The following WARS2 variants were observed in gnomAD, a reference collection of about 807,000 sequenced individuals.
WARS2 encodes tryptophan--tRNA ligase, mitochondrial.
In WARS2, 28 loss-of-function variants were observed where a neutral mutation model predicts 36.5. That is an observed-to-expected ratio of 0.77 (90% CI 0.57 to 1.05). The LOEUF (loss-of-function observed/expected upper bound fraction) is 1.05. WARS2 is among the 50% of genes least tolerant of loss of function. The pLI, the probability that WARS2 is intolerant of heterozygous loss-of-function variation, is 0.00. For synonymous variants in WARS2, 174 were observed against 178.4 expected (o/e 0.98, Z 0.20); for missense variants, 435 against 456.8 (o/e 0.95, Z 0.44).
intron 3 of WARS2, among the ~76,000 whole-genome samples, chr1:119,043,134 T>C (rs368449986): frequency 2.6e-5 from 4 of 152,244 alleles, no homozygotes; most frequent in African/African-American, 9.6e-5. Flanking sequence ...TCCCTTGCTG[T>C]GGCTGCACAT....
chr1:119,092,372 T>A (rs1653107581), intron 1 of WARS2, among the ~76,000 whole-genome samples: 1 of 152,208 alleles, frequency 6.6e-6, no homozygotes, highest in South Asian at 2.1e-4. Context: ...ACATTTAAAA[T>A]GACATTATCT....
intron 1 of WARS2, chr1:119,139,839 C>T (rs1205980583): frequency 6.6e-6 from 1 of 152,058 alleles, no homozygotes; most frequent in East Asian, 1.9e-4. Flanking sequence ...AAAGGGTATC[C>T]CCTCCCCCTG....
intron 1 of WARS2, among the ~76,000 whole-genome samples, chr1:119,086,328 C>T (rs1652665011): frequency 1.3e-5 from 2 of 152,226 alleles, no homozygotes; most frequent in Non-Finnish European, 2.9e-5. Context: ...TATCTGAGAA[C>T]ATTCATCCTT....
intron 1 of WARS2, among the ~76,000 whole-genome samples, chr1:119,083,472 G>C (rs1652373657): frequency 6.6e-6 from 1 of 152,168 alleles, no homozygotes; most frequent in African/African-American, 2.4e-5. Flanking sequence ...CCAGTCTGTA[G>C]TATTTTGTTA....
chr1:119,076,556 G>A lies in WARS2; in HGVS notation c.142C>T (p.His48Tyr). The change falls in exon 2 of 6, where the codon CAC (histidine) becomes TAC (tyrosine). Residue 48 changes from histidine to tyrosine, a missense_variant. Coordinates refer to ENST00000235521, the MANE Select transcript of WARS2 (RefSeq NM_015836.4). The stretch of plus-strand genomic sequence containing the variant: ...ATGGCTCCCAGGTAATTGCCCAGGT[G>A]GAGGATTCCTGTAGGTTGAATGCCG... Reference protein sequence around the residue: ...FSGIQPTGILHLGNYLGAIES... With the variant: ...FSGIQPTGILYLGNYLGAIES... 1 of 1,614,116 alleles carries A rather than the reference G, an allele frequency of 6.2e-7. No homozygotes were observed.
chr1:119,078,699 T>A (rs936485750), intron 1 of WARS2, among the ~76,000 whole-genome samples: 2 of 152,208 alleles, frequency 1.3e-5, no homozygotes, highest in African/African-American at 4.8e-5. Context: ...GATTTCAGAA[T>A]CTGTACATAT....
At chr1:119,123,460 T>C (rs1251532103) in intron 1 of WARS2, among the ~76,000 whole-genome samples, 3 of 152,254 alleles carry the variant, frequency 2.0e-5, no homozygotes, top group Non-Finnish European at 2.9e-5. Context: ...CAATTAAATC[T>C]GCCTGCAAGT....
chr1:119,062,307 C>T (rs1650448903), intron 2 of WARS2, among the ~76,000 whole-genome samples: 1 of 152,018 alleles, frequency 6.6e-6, no homozygotes. Flanking sequence ...AGACTAGTAC[C>T]AAACATAACC....
At chr1:119,061,646 A>G (rs985113363) in intron 2 of WARS2, among the ~76,000 whole-genome samples, 3 of 152,166 alleles carry the variant, frequency 2.0e-5, no homozygotes, top group Non-Finnish European at 4.4e-5. Flanking sequence ...TACAGCATTA[A>G]AGTGTTCACA....
chr1:119,042,230 G>C, intron 4 of WARS2, 34 bp downstream of exon 4: 1 of 1,593,704 alleles, frequency 6.3e-7, no homozygotes, highest in Non-Finnish European at 8.6e-7. Context: ...GTCACCATGA[G>C]TATGTATAAG....
intron 2 of WARS2, among the ~76,000 whole-genome samples, chr1:119,068,959 G>C (rs1024047403): frequency 6.6e-6 from 1 of 152,132 alleles, no homozygotes; most frequent in East Asian, 1.9e-4. Context: ...GCCAGTGGGA[G>C]AGAAAGAAAA....
chr1:119,073,354 TAGTA>T (rs1651478830), intron 2 of WARS2, among the ~76,000 whole-genome samples: 1 of 152,104 alleles, frequency 6.6e-6, no homozygotes, highest in Admixed American at 6.6e-5. Flanking sequence ...CATAGAGTTG[TAGTA>T]AGGTTGGTTG....
chr1:119,095,137 C>T (rs1487351670), intron 1 of WARS2, among the ~76,000 whole-genome samples: 1 of 152,090 alleles, frequency 6.6e-6, no homozygotes, highest in African/African-American at 2.4e-5. Flanking sequence ...TCCCTGTTAA[C>T]ACTAAGCTAT....
chr1:119,034,365 TTATC>T, intron 4 of WARS2, 152 bp from the exon 5 acceptor site: 1 of 663,662 alleles, frequency 1.5e-6, no homozygotes, highest in South Asian at 1.9e-5. Flanking sequence ...ACCTAAGTCT[TTATC>T]TATGGATCAG....
At chr1:119,070,340 C>T (rs531235683) in intron 2 of WARS2, among the ~76,000 whole-genome samples, 1 of 152,160 alleles carries the variant, frequency 6.6e-6, no homozygotes, top group South Asian at 2.1e-4. Flanking sequence ...CTGCTCACTT[C>T]CACCTCTGCC....
chr1:119,130,016 G>T (rs749710149), intron 1 of WARS2, among the ~76,000 whole-genome samples: 1 of 152,110 alleles, frequency 6.6e-6, no homozygotes. Context: ...TGTCTACATC[G>T]TGTAACGGTG....
intron 2 of WARS2, among the ~76,000 whole-genome samples, chr1:119,073,283 A>T (rs1415912367): frequency 1.3e-5 from 2 of 152,152 alleles, no homozygotes; most frequent in African/African-American, 4.8e-5. Context: ...TTTAAATAAA[A>T]TTACATTTTT....
intron 1 of WARS2, among the ~76,000 whole-genome samples, chr1:119,090,020 GCTTAATA>G (rs906556821): frequency 5.3e-5 from 8 of 151,962 alleles, no homozygotes; most frequent in Non-Finnish European, 8.8e-5. Flanking sequence ...TGGATGCTGG[GCTTAATA>G]CTTAAGTGAC....
chr1:119,138,807 A>G (rs1213255006), intron 1 of WARS2, among the ~76,000 whole-genome samples: 2 of 152,218 alleles, frequency 1.3e-5, no homozygotes, highest in East Asian at 3.8e-4. Context: ...AAAGGTTTAG[A>G]AACATTCATC....
Sources: allele counts gnomAD v4.1 joint callset (sites outside exome capture counted in the v4.1 genomes callset), GRCh38; gene constraint gnomAD v4.1.1; transcripts MANE v1.5; gene names NCBI Gene and HGNC (gene_info 2026-07-23, HGNC 2026-07-21).